Variants in AGBL4 observed in about 807,000 individuals in gnomAD.
The protein encoded by AGBL4 is AGBL carboxypeptidase 4.
In AGBL4, 58 loss-of-function variants were observed where a neutral mutation model predicts 66.4. The observed-to-expected ratio is 0.87, with a 90% CI of 0.71 to 1.09. The LOEUF is 1.09. AGBL4 is among the 50% of genes least tolerant of loss of function. The pLI, the probability that AGBL4 is intolerant of heterozygous loss-of-function variation, is 0.00. For missense variants in AGBL4, 579 were observed against 631.0 expected (o/e 0.92, Z 0.88); for synonymous variants, 234 against 222.9 (o/e 1.05, Z -0.44).
intron 4 of AGBL4, among the ~76,000 whole-genome samples, chr1:49,118,744 A>G (rs922633811): frequency 6.6e-6 from 1 of 151,902 alleles, no homozygotes; most frequent in Non-Finnish European, 1.5e-5. Context: ...CTCTTTTTCT[A>G]TTGATTGGAA....
intron 3 of AGBL4, among the ~76,000 whole-genome samples, chr1:49,629,470 C>G (rs192368549): frequency 6.6e-6 from 1 of 152,268 alleles, no homozygotes; most frequent in East Asian, 1.9e-4. Flanking sequence ...AAGGTTACTT[C>G]AATAGCCAAG....
intron 7 of AGBL4, among the ~76,000 whole-genome samples, chr1:48,660,955 C>A (rs576897689): frequency 6.6e-6 from 1 of 152,252 alleles, no homozygotes; most frequent in East Asian, 1.9e-4. Flanking sequence ...CCCCACTCCG[C>A]TATTTAATGA....
intron 8 of AGBL4, among the ~76,000 whole-genome samples, chr1:48,649,019 G>A (rs1399447993): frequency 6.6e-6 from 1 of 152,134 alleles, no homozygotes; most frequent in Non-Finnish European, 1.5e-5. Flanking sequence ...TGTTCATTCT[G>A]GAAACATGTA....
intron 5 of AGBL4, among the ~76,000 whole-genome samples, chr1:49,010,856 T>C (rs1042004069): frequency 1.8e-4 from 27 of 151,276 alleles, no homozygotes; most frequent in African/African-American, 6.5e-4. Flanking sequence ...GATCCCTTCC[T>C]TACACCTTAT....
At chr1:49,971,215 G>A (rs564885300) in intron 1 of AGBL4, among the ~76,000 whole-genome samples, 1 of 152,242 alleles carries the variant, frequency 6.6e-6, no homozygotes, top group South Asian at 2.1e-4. Context: ...ATGCTGTTCT[G>A]AGTAGCACAA....
At chr1:48,851,995 T>C (rs1427061588) in intron 6 of AGBL4, among the ~76,000 whole-genome samples, 2 of 150,136 alleles carry the variant, frequency 1.3e-5, no homozygotes, top group Non-Finnish European at 3.0e-5. Flanking sequence ...TCCAAGGTTC[T>C]GGTATGTGCC....
At chr1:48,799,963 G>C (rs1466826002) in intron 6 of AGBL4, among the ~76,000 whole-genome samples, 1 of 151,948 alleles carries the variant, frequency 6.6e-6, no homozygotes, top group African/African-American at 2.4e-5. Context: ...TGTTTTCTTT[G>C]TTTGTTATAT....
chr1:49,465,210 T>TACAC (rs3054630), intron 3 of AGBL4, among the ~76,000 whole-genome samples: 1,930 of 116,692 alleles, frequency 0.017, 32 homozygotes, highest in East Asian at 0.046. Context: ...TACCCCTACA[T>TACAC]ACACACACAC....
rs553244236 is a variant in AGBL4 at position 49,712,384 on chromosome 1, G to A, written c.158-14947C>T. 1.8e-4 allele frequency among the ~76,000 whole-genome samples: 28 copies of A among 151,770 alleles called. 1 individual carries two copies. The highest frequency in any genetic ancestry group is 6.8e-3 in the Middle Eastern group (2 of 294). ...CATGATCTCACTTATATATGGAATC[G>A]TCTTTTTAAAAGTTGAATATATAGA... is the stretch of plus-strand genomic sequence containing the variant. On this transcript the variant is annotated intron_variant, in intron 2 of 13. Coordinates refer to ENST00000371839, the MANE Select transcript of AGBL4 (RefSeq NM_032785.4).
At chr1:48,938,342 G>A (rs918569436) in intron 5 of AGBL4, among the ~76,000 whole-genome samples, 1 of 152,044 alleles carries the variant, frequency 6.6e-6, no homozygotes, top group Non-Finnish European at 1.5e-5. Context: ...CTGCCATCAC[G>A]GAGTTATACC....
intron 3 of AGBL4, among the ~76,000 whole-genome samples, chr1:49,518,234 C>T (rs1379102466): frequency 6.6e-6 from 1 of 151,986 alleles, no homozygotes; most frequent in Non-Finnish European, 1.5e-5. Context: ...CAGGGAAAAC[C>T]CAGGGCCTTC....
chr1:49,988,858 A>G (rs1047105496), intron 1 of AGBL4, among the ~76,000 whole-genome samples: 3 of 152,192 alleles, frequency 2.0e-5, no homozygotes, highest in Non-Finnish European at 4.4e-5. Context: ...GAACCAGACT[A>G]TATTTTTGAT....
intron 4 of AGBL4, among the ~76,000 whole-genome samples, chr1:49,151,940 G>A (rs1420434565): frequency 6.6e-6 from 1 of 151,668 alleles, no homozygotes. Context: ...GAATTTTCTG[G>A]CTCACAGTGA....
intron 13 of AGBL4, among the ~76,000 whole-genome samples, 170 bp downstream of exon 13, chr1:48,534,720 T>G (rs148692174): frequency 5.8e-4 from 89 of 152,236 alleles, no homozygotes; most frequent in African/African-American, 1.8e-3. Context: ...AAGGGACACT[T>G]TGCCCTAACA....
intron 6 of AGBL4, among the ~76,000 whole-genome samples, chr1:48,689,203 C>CAAA (rs939955179): frequency 7.5e-5 from 4 of 53,326 alleles, no homozygotes; most frequent in Non-Finnish European, 8.3e-5. Flanking sequence ...GACCCGGTCT[C>CAAA]AAAAAAAAAA....
chr1:48,998,915 T>C (rs1661201194), intron 5 of AGBL4, among the ~76,000 whole-genome samples: 1 of 152,128 alleles, frequency 6.6e-6, no homozygotes, highest in African/African-American at 2.4e-5. Context: ...GATCTCTCCA[T>C]AGTTCCCTTG....
intron 4 of AGBL4, among the ~76,000 whole-genome samples, chr1:49,173,655 G>T (rs1646779094): frequency 6.6e-6 from 1 of 152,174 alleles, no homozygotes; most frequent in East Asian, 1.9e-4. Context: ...ATGCTATATG[G>T]AGTAATAAGT....
At chr1:49,565,477 G>T (rs886479416) in intron 3 of AGBL4, among the ~76,000 whole-genome samples, 14 of 152,086 alleles carry the variant, frequency 9.2e-5, no homozygotes, top group African/African-American at 3.4e-4. Context: ...CTTCCTTCAG[G>T]ACCTCTTTTA....
chr1:48,777,094 A>T, intron 6 of AGBL4: 1 of 386,650 alleles, frequency 2.6e-6, no homozygotes, highest in Non-Finnish European at 4.6e-6. Flanking sequence ...GCGCACTGCC[A>T]CTTGCAAAGT....
Sources: gnomAD v4.1 joint callset for allele counts (sites outside exome capture counted in the v4.1 genomes callset) on GRCh38, gnomAD v4.1.1 for gene constraint, MANE v1.5 for transcripts, NCBI Gene and HGNC (gene_info 2026-07-23, HGNC 2026-07-21) for gene names.